PDK1: variants seen among roughly 807,000 people sequenced by gnomAD.
The protein encoded by PDK1 is pyruvate dehydrogenase kinase 1.
In PDK1, 39 loss-of-function variants were observed where a neutral mutation model predicts 54.2. The ratio of observed to expected loss-of-function variants is 0.72; its 90% CI spans 0.56 to 0.94. The LOEUF is 0.94. Ranked by LOEUF, PDK1 falls within the 40% of genes least tolerant of loss-of-function variation. The pLI, the probability that PDK1 is intolerant of heterozygous loss-of-function variation, is 0.00. For missense variants in PDK1, 552 were observed against 566.0 expected, an observed-to-expected ratio of 0.98 and a Z score of 0.25; for synonymous variants, 221 against 207.1, an observed-to-expected ratio of 1.07 and a Z score of -0.58.
chr2:172,621,904 T>C, the PDK1 span, among the ~76,000 whole-genome samples: 1 of 146,632 alleles, frequency 6.8e-6, no homozygotes, highest in Non-Finnish European at 1.5e-5. Context: ...GTATGATATA[T>C]GTTTATATCT....
chr2:172,613,791 CCTT>C, the PDK1 span, among the ~76,000 whole-genome samples: 2 of 152,128 alleles, frequency 1.3e-5, no homozygotes, highest in Non-Finnish European at 2.9e-5. Flanking sequence ...GAGCCCTTCT[CCTT>C]CTGAGTTGGG....
At chr2:172,615,103 A>G in the PDK1 span, among the ~76,000 whole-genome samples, 1 of 152,172 alleles carries the variant, frequency 6.6e-6, no homozygotes, top group East Asian at 1.9e-4. Context: ...ACACTTGTTT[A>G]CTGACGTGCT....
At chr2:172,573,395 G>A (rs1689389875) in intron 8 of PDK1, among the ~76,000 whole-genome samples, 1 of 151,986 alleles carries the variant, frequency 6.6e-6, no homozygotes, top group African/African-American at 2.4e-5. Flanking sequence ...TTGAAGAAAT[G>A]TAGATTAAGA....
At chr2:172,572,561 C>T (rs541901592) in intron 8 of PDK1, among the ~76,000 whole-genome samples, 1 of 151,986 alleles carries the variant, frequency 6.6e-6, no homozygotes, top group Admixed American at 6.6e-5. Context: ...CCCATCTCTA[C>T]AAAAAATACA....
Position 172,564,576 on chromosome 2 carries a change from G to C in PDK1, c.484G>C (p.Glu162Gln), listed in dbSNP as rs1688832403. ...TCCCACAATGGCCCAGGGTGTGATT[G>C]AATACAAGGAGAGCTTTGGGGTGGA... is the stretch of plus-strand genomic sequence containing the variant. ...VIPTMAQGVI[E>Q]YKESFGVDPV... is the part of the protein sequence containing the mutation. Residue 162 changes from glutamate (E) to glutamine (Q), a missense_variant, in exon 4 of 11, where the codon GAA becomes CAA. Physicochemically the swap from Glu to Gln is conservative, Grantham distance 29. Transcript: ENST00000282077. 1.9e-6 allele frequency: 3 copies of C among 1,613,946 alleles called. No individual in the cohort carries two copies. In the Admixed American group the frequency reaches 5.0e-5, roughly 27 times the overall value.
chr2:172,672,436 A>G, the PDK1 span, among the ~76,000 whole-genome samples: 1 of 152,268 alleles, frequency 6.6e-6, no homozygotes, highest in Non-Finnish European at 1.5e-5. Context: ...GCACATTCCC[A>G]TAATTATTGA....
the PDK1 span, among the ~76,000 whole-genome samples, chr2:172,704,744 C>G: frequency 6.6e-6 from 1 of 152,138 alleles, no homozygotes; most frequent in Non-Finnish European, 1.5e-5. Context: ...AAAATTACAA[C>G]CCTGTGTAGA....
chr2:172,708,069 A>C, the PDK1 span, among the ~76,000 whole-genome samples: 5 of 152,132 alleles, frequency 3.3e-5, no homozygotes, highest in Non-Finnish European at 5.9e-5. Context: ...TTAGAGGTCG[A>C]GGTGAGTAGA....
chr2:172,654,677 T>C, the PDK1 span, among the ~76,000 whole-genome samples: 1 of 151,892 alleles, frequency 6.6e-6, no homozygotes, highest in Admixed American at 6.6e-5. Context: ...AGTTAACGAG[T>C]GCAGCACACC....
intron 4 of PDK1, 27 bp downstream of exon 4, chr2:172,564,714 A>G (rs757310364): frequency 6.4e-7 from 1 of 1,571,124 alleles, no homozygotes; most frequent in Non-Finnish European, 8.7e-7. Flanking sequence ...AGTCAAGAGA[A>G]GAAGCTAAAT....
At chr2:172,583,797 CCATT>C (rs1353579832) in intron 8 of PDK1, among the ~76,000 whole-genome samples, 2 of 151,742 alleles carry the variant, frequency 1.3e-5, no homozygotes, top group East Asian at 3.9e-4. Context: ...CAACTATAAG[CCATT>C]CAGCCTATTG....
rs2149305695 is a variant in PDK1, at chr2:172,597,015, C to T, written c.*1046C>T. 1 of 152,268 alleles carries T rather than the reference C, an allele frequency of 6.6e-6. No individual in the cohort carries two copies. Among genetic ancestry groups the T allele is most frequent in the East Asian group, 1.9e-4 (1 of 5,186 alleles). The allele number at this position is 152,268 out of a possible 1,614,324, so 9.4% of individuals were successfully genotyped here. On this transcript the variant is annotated 3_prime_UTR_variant, in exon 11 of 11. Transcript: ENST00000282077. ...AGGAGACAGAAACTGAATCCCACAC[C>T]TGGTGCAATTAGAAGCATAATTAGA...
chr2:172,694,876 G>T, the PDK1 span, among the ~76,000 whole-genome samples: 3 of 152,192 alleles, frequency 2.0e-5, no homozygotes, highest in African/African-American at 7.2e-5. Flanking sequence ...CAGCACTTTG[G>T]TAGACCAAGG....
intron 8 of PDK1, among the ~76,000 whole-genome samples, chr2:172,581,133 C>T (rs1203564935): frequency 6.6e-6 from 1 of 152,160 alleles, no homozygotes; most frequent in Non-Finnish European, 1.5e-5. Context: ...CCCTCTGTTG[C>T]CCAGGCTGGA....
At chr2:172,569,791 T>C (rs1689147396) in intron 7 of PDK1, among the ~76,000 whole-genome samples, 1 of 152,222 alleles carries the variant, frequency 6.6e-6, no homozygotes, top group South Asian at 2.1e-4. Flanking sequence ...CAAGCAGTCC[T>C]GCCCCAGAGT....
chr2:172,698,773 G>T, the PDK1 span, among the ~76,000 whole-genome samples: 2 of 152,202 alleles, frequency 1.3e-5, no homozygotes, highest in African/African-American at 4.8e-5. Context: ...TTAGAACCAC[G>T]TGAGGAGGTA....
the PDK1 span, among the ~76,000 whole-genome samples, chr2:172,707,925 A>G: frequency 1.3e-5 from 2 of 152,252 alleles, no homozygotes; most frequent in Non-Finnish European, 2.9e-5. Context: ...AACTATGACA[A>G]TTCTCCAACC....
the PDK1 span, among the ~76,000 whole-genome samples, chr2:172,626,372 A>G: frequency 6.6e-6 from 1 of 152,326 alleles, no homozygotes; most frequent in African/African-American, 2.4e-5. Context: ...ACATACTGGT[A>G]TTGCCAGCAT....
At chr2:172,696,239 A>G in the PDK1 span, among the ~76,000 whole-genome samples, 2 of 152,090 alleles carry the variant, frequency 1.3e-5, no homozygotes, top group African/African-American at 4.8e-5. Context: ...CCTCCAGATA[A>G]GAGCACAGCT....
Sources: gnomAD v4.1 joint callset for allele counts (sites outside exome capture counted in the v4.1 genomes callset) on GRCh38, gnomAD v4.1.1 for gene constraint, MANE v1.5 for transcripts, NCBI Gene and HGNC (gene_info 2026-07-23, HGNC 2026-07-21) for gene names.